C14orf180: variants seen among roughly 807,000 people sequenced by gnomAD.
The protein encoded by C14orf180 is nutritionally-regulated adipose and cardiac enriched protein homolog.
A neutral mutation model predicts 13.9 loss-of-function variants in C14orf180; 13 were observed. That is an observed-to-expected ratio of 0.94 (90% confidence interval 0.61 to 1.49). C14orf180 has a LOEUF of 1.49. Among genes scored for constraint, C14orf180 ranks in the 40% most tolerant of loss-of-function variants. C14orf180 has a pLI of 0.00. For missense variants in C14orf180, 238 were observed against 232.0 expected, an observed-to-expected ratio of 1.03 and a Z score of -0.17; for synonymous variants, 113 against 106.3, an observed-to-expected ratio of 1.06 and a Z score of -0.39.
chr14:104,586,293 G>A, intron 1 of C14orf180, 122 bp from the exon 2 acceptor site: 1 of 585,524 alleles, frequency 1.7e-6, no homozygotes, highest in Non-Finnish European at 2.9e-6. Context: ...CAACAGCGTG[G>A]CCGGTCGCAA....
At position 104,589,925 on chromosome 14, in the gene C14orf180, T is replaced by G. The variant is rs780953590; in HGVS notation, c.*1142T>G. ...TCGGCCTCAGTGGCCAAAGCGGATG[T>G]CCTGGGCGCCTGGAACCTCCCCATC... On this transcript the variant is annotated 3_prime_UTR_variant, in exon 5 of 5. Transcript: ENST00000557649. This position sits in a 1 kb window ranked among gnomAD's most constrained non-coding sequence, Gnocchi z 4.9. 2 of 152,214 alleles carry G rather than the reference T, an allele frequency of 1.3e-5. No individual in the cohort carries two copies. The highest frequency in any genetic ancestry group is 2.9e-5 in the Non-Finnish European group (2 of 68,064). 9.4% of individuals were successfully genotyped at this position (152,214 alleles called of 1,614,324 possible). A position where few individuals can be genotyped will look rare whatever the true frequency, so the allele number is the denominator to read the frequency against.
intron 2 of C14orf180, among the ~76,000 whole-genome samples, chr14:104,587,516 G>A (rs1370240556): frequency 6.6e-6 from 1 of 152,146 alleles, no homozygotes; most frequent in Non-Finnish European, 1.5e-5. Context: ...AAGAGACGGG[G>A]TCAGGAGGGG....
In C14orf180 at chr14:104,587,833, T is replaced by A; in HGVS notation, c.196T>A (p.Ser66Thr). 6.2e-7 allele frequency: 1 copy of A among 1,611,506 alleles called. No homozygotes were observed. The change falls in exon 3 of 5, where the codon TCG becomes ACG. Residue 66 changes from serine to threonine, a missense_variant. Coordinates refer to ENST00000557649, the MANE Select transcript of C14orf180 (RefSeq NM_001008404.3). ...CCCAGAGGCCAAGCCCCAGAGGACC[T>A]CGAGGCGCGTGTGGTTCCGAGAACC... ...HRPEAKPQRT[S>T]RRVWFREPPA...
At position 104,588,471 on chromosome 14, in the gene C14orf180, A is replaced by G. The variant is rs555826612; in HGVS notation, c.278-107A>G. Reference sequence around the variant, plus strand: ...GACCCCAAGAGGCTAGGGAGGGGCCATGGGCATGGACAGGGTGGAATCTCC... The same window carrying G: ...GACCCCAAGAGGCTAGGGAGGGGCCGTGGGCATGGACAGGGTGGAATCTCC... On this transcript the variant is annotated intron_variant, in intron 4 of 4. Coordinates refer to ENST00000557649, the MANE Select transcript of C14orf180 (RefSeq NM_001008404.3). The G allele has an allele frequency of 1.7e-5, 24 of 1,454,084 alleles. No homozygotes were observed. In the East Asian group the frequency reaches 3.5e-4, roughly 21 times the overall value. 90.1% of individuals were successfully genotyped at this position (1,454,084 alleles called of 1,614,324 possible). A position where few individuals can be genotyped will look rare whatever the true frequency, so the allele number is the denominator to read the frequency against.
In C14orf180 at chr14:104,587,820, G is replaced by A. The variant is rs1353812660; in HGVS notation, c.183G>A (p.Lys61=). The A allele has an allele frequency of 1.2e-6, 2 of 1,612,366 alleles. No individual in the cohort carries two copies. The highest frequency in any genetic ancestry group is 4.5e-5 in the East Asian group (2 of 44,848). Residue 61 remains lysine (K), a synonymous_variant, in exon 3 of 5, where the codon AAG becomes AAA. Transcript: ENST00000557649. ...CGGAGCACCACCGCCCAGAGGCCAA[G>A]CCCCAGAGGACCTCGAGGCGCGTGT... is the stretch of plus-strand genomic sequence containing the variant. ...SRPEHHRPEA[K]PQRTSRRVWF...
chr14:104,580,742 C>T (rs977715981), intron 1 of C14orf180, among the ~76,000 whole-genome samples: 14 of 144,462 alleles, frequency 9.7e-5, no homozygotes, highest in East Asian at 9.5e-4. Context: ...CTGGACGCCA[C>T]GCCATTTCTT....
Position 104,588,706 on chromosome 14 carries a change from C to T in C14orf180, c.406C>T (p.Arg136Trp), listed in dbSNP as rs181202218. The T allele has an allele frequency of 5.0e-4, 774 of 1,535,644 alleles. 2 individuals carry two copies. The African/African-American group carries it at 8.7e-3, about 17-fold the overall frequency. ...CGTGGCAACGGCACTGGAGGACCTG[C>T]GGGCCCGGCTCCTCGGCCTTGTCCT... ...KPVATALEDL[R>W]ARLLGLVLHL... Residue 136 changes from arginine (R) to tryptophan (W), a missense_variant, in exon 5 of 5, where the codon CGG becomes TGG. By Grantham distance (101) the Arg-to-Trp change is moderately radical (BLOSUM62 -3). Transcript: ENST00000557649.
At chr14:104,585,161 G>T (rs1482045484) in intron 1 of C14orf180, among the ~76,000 whole-genome samples, 1 of 152,236 alleles carries the variant, frequency 6.6e-6, no homozygotes, top group Non-Finnish European at 1.5e-5. Context: ...CCTGTGAGGG[G>T]CAGGGGCGGC....
chr14:104,588,537 C>A, intron 4 of C14orf180, 41 bp from the exon 5 acceptor site: 1 of 1,444,334 alleles, frequency 6.9e-7, no homozygotes, highest in South Asian at 1.5e-5. Flanking sequence ...AGGGAAGGGT[C>A]GCGCTGGCTG....
intron 1 of C14orf180, chr14:104,581,058 G>A (rs1014177125): frequency 7.9e-5 from 12 of 152,292 alleles, no homozygotes; most frequent in African/African-American, 2.9e-4. Context: ...CCAGTGGGCG[G>A]TCAGCCCAGC....
chr14:104,581,789 G>C (rs867879313), intron 1 of C14orf180, among the ~76,000 whole-genome samples: 1 of 152,012 alleles, frequency 6.6e-6, no homozygotes, highest in Non-Finnish European at 1.5e-5. Context: ...AGTTGCCCTG[G>C]GGGAGGCTGC....
intron 1 of C14orf180, among the ~76,000 whole-genome samples, chr14:104,582,012 C>T (rs1286087262): frequency 1.3e-5 from 2 of 152,098 alleles, no homozygotes; most frequent in African/African-American, 4.8e-5. Flanking sequence ...CGCTCAGAGC[C>T]GAGGAAGGAC....
intron 3 of C14orf180, among the ~76,000 whole-genome samples, 188 bp from the exon 4 acceptor site, chr14:104,588,086 G>A (rs1442224920): frequency 7.2e-5 from 11 of 152,238 alleles, no homozygotes; most frequent in Non-Finnish European, 1.0e-4. Context: ...GCAACTGGAG[G>A]AGAACATGAG....
At chr14:104,585,858 T>A (rs1405425092) in intron 1 of C14orf180, among the ~76,000 whole-genome samples, 9 of 151,860 alleles carry the variant, frequency 5.9e-5, no homozygotes, top group Non-Finnish European at 1.2e-4. Flanking sequence ...GTGTGAGCCG[T>A]GCTGAGGGGT....
Position 104,587,944 on chromosome 14 carries a change from C to T in C14orf180, c.241+66C>T, listed in dbSNP as rs999480316. The T allele has an allele frequency of 3.9e-5, 59 of 1,520,494 alleles. 2 individuals carry two copies. The highest frequency in any genetic ancestry group is 1.8e-4 in the Admixed American group (9 of 49,390). 94.2% of individuals were successfully genotyped at this position (1,520,494 alleles called of 1,614,324 possible). A position where few individuals can be genotyped will look rare whatever the true frequency, so the allele number is the denominator to read the frequency against. Reference sequence around the variant, plus strand: ...GTCAAGCAGAGGGAGGCGGGGACACCGGCCACACCCACACAGCTCTGGCAG... The same window carrying T: ...GTCAAGCAGAGGGAGGCGGGGACACTGGCCACACCCACACAGCTCTGGCAG... On this transcript the variant is annotated intron_variant, in intron 3 of 4. Transcript: ENST00000557649.
chr14:104,583,939 C>A (rs371007533), intron 1 of C14orf180, among the ~76,000 whole-genome samples: 3 of 152,192 alleles, frequency 2.0e-5, no homozygotes, highest in African/African-American at 7.2e-5. Context: ...TTCACACACA[C>A]AGACACCCCA....
chr14:104,588,236 G>A, intron 3 of C14orf180, 38 bp from the exon 4 acceptor site: 1 of 1,613,318 alleles, frequency 6.2e-7, no homozygotes, highest in Non-Finnish European at 8.5e-7. Context: ...ATGGACTGAG[G>A]CAGGTGCCCC....
intron 1 of C14orf180, among the ~76,000 whole-genome samples, chr14:104,581,834 C>G (rs1886447218): frequency 6.6e-6 from 1 of 152,134 alleles, no homozygotes; most frequent in Non-Finnish European, 1.5e-5. Context: ...CTGGCCCCAG[C>G]CTGCACTCGC....
chr14:104,587,225 A>G (rs975835897), intron 2 of C14orf180, among the ~76,000 whole-genome samples: 1 of 152,162 alleles, frequency 6.6e-6, no homozygotes, highest in African/African-American at 2.4e-5. Context: ...TGAGCAGACC[A>G]GCAGAGAAAG....
Sources: gnomAD v4.1 joint callset for allele counts (sites outside exome capture counted in the v4.1 genomes callset) on GRCh38, gnomAD v4.1.1 for gene constraint, Gnocchi (gnomAD v3.1) non-coding constraint, MANE v1.5 for transcripts, NCBI Gene and HGNC (gene_info 2026-07-23, HGNC 2026-07-21) for gene names.